Variants in KCNQ5 observed in about 807,000 individuals in gnomAD.
KCNQ5 encodes potassium voltage-gated channel subfamily Q member 5.
KCNQ5 carries 30 observed loss-of-function variants against 98.2 expected under a neutral mutation model. The observed-to-expected ratio is 0.31, with a 90% CI of 0.23 to 0.41. KCNQ5 has a LOEUF of 0.41. Ranked by LOEUF, KCNQ5 falls within the 10% of genes least tolerant of loss-of-function variation. The pLI, the probability that KCNQ5 is intolerant of heterozygous loss-of-function variation, is 1.00. For synonymous variants in KCNQ5, 458 were observed against 449.4 expected, an observed-to-expected ratio of 1.02 and a Z score of -0.24; for missense variants, 835 against 1,182.5, an observed-to-expected ratio of 0.71 and a Z score of 4.31.
intron 10 of KCNQ5, among the ~76,000 whole-genome samples, chr6:73,169,092 A>G (rs774046874): frequency 5.3e-4 from 80 of 152,340 alleles, no homozygotes; most frequent in Non-Finnish European, 8.8e-4. Flanking sequence ...ATTCATAATA[A>G]TTTGGCATTT....
At chr6:73,165,987 G>T (rs1034608847) in intron 10 of KCNQ5, among the ~76,000 whole-genome samples, 2 of 152,118 alleles carry the variant, frequency 1.3e-5, no homozygotes, top group Admixed American at 1.3e-4. Context: ...ATCTGGAAGT[G>T]GTCAGAGGTG....
chr6:72,903,114 G>A (rs1779572269), intron 1 of KCNQ5, among the ~76,000 whole-genome samples: 1 of 152,010 alleles, frequency 6.6e-6, no homozygotes, highest in South Asian at 2.1e-4. Context: ...TCTACTTTAT[G>A]CACGTAAAGG....
intron 1 of KCNQ5, among the ~76,000 whole-genome samples, chr6:72,712,915 C>T (rs1411162955): frequency 6.6e-6 from 1 of 152,148 alleles, no homozygotes; most frequent in Non-Finnish European, 1.5e-5. Context: ...TTATTAGTTA[C>T]TTAGTTTTGG....
At chr6:72,690,221 G>A (rs1028147576) in intron 1 of KCNQ5, among the ~76,000 whole-genome samples, 14 of 152,076 alleles carry the variant, frequency 9.2e-5, no homozygotes, top group African/African-American at 2.2e-4. Context: ...GCAGTGAGCC[G>A]TGATCCCGTC....
chr6:72,938,035 C>T (rs558788021), intron 1 of KCNQ5, among the ~76,000 whole-genome samples: 1 of 152,134 alleles, frequency 6.6e-6, no homozygotes, highest in African/African-American at 2.4e-5. Context: ...CCCTGACCAC[C>T]TTACAAGGTT....
rs577041644 is a variant in KCNQ5 at position 73,176,976 on chromosome 6, A to G, written c.1577+7122A>G. ...TCAACACAGAAGTCTAAGGCTCACA[A>G]ACAGGAGCTGCAAAAGTAAGAATGC... On this transcript the variant is annotated intron_variant, in intron 11 of 13. Transcript: ENST00000370398. Among the ~76,000 whole-genome samples the G allele has an allele frequency of 3.3e-5, 5 of 152,348 alleles. No individual in the cohort carries two copies. In the East Asian group the frequency reaches 9.6e-4, roughly 29 times the overall value.
chr6:73,089,120 A>T (rs1259396273), intron 5 of KCNQ5, among the ~76,000 whole-genome samples: 2 of 152,220 alleles, frequency 1.3e-5, no homozygotes, highest in African/African-American at 4.8e-5. Context: ...GTAAATATAT[A>T]TTGAGTGACT....
At chr6:72,947,850 G>A (rs1766618267) in intron 1 of KCNQ5, among the ~76,000 whole-genome samples, 1 of 152,108 alleles carries the variant, frequency 6.6e-6, no homozygotes, top group African/African-American at 2.4e-5. Flanking sequence ...TGAAGATAGA[G>A]AGTTTATAGT....
intron 1 of KCNQ5, among the ~76,000 whole-genome samples, chr6:72,672,569 G>C (rs909754924): frequency 6.6e-6 from 1 of 152,074 alleles, no homozygotes; most frequent in African/African-American, 2.4e-5. Context: ...CCTAGTTTCC[G>C]ATACAGTCTT....
intron 2 of KCNQ5, among the ~76,000 whole-genome samples, chr6:73,029,985 C>T (rs998575248): frequency 2.8e-5 from 4 of 143,524 alleles, no homozygotes; most frequent in Non-Finnish European, 6.1e-5. Flanking sequence ...TGACTGGAAA[C>T]AATTAGAGAT....
intron 2 of KCNQ5, among the ~76,000 whole-genome samples, chr6:73,015,945 T>G (rs900051605): frequency 6.6e-6 from 1 of 152,116 alleles, no homozygotes; most frequent in African/African-American, 2.4e-5. Context: ...TCTTCTCCAT[T>G]ATTCATTTAT....
intron 1 of KCNQ5, among the ~76,000 whole-genome samples, chr6:72,637,115 A>G (rs1428252025): frequency 5.3e-5 from 8 of 152,248 alleles, no homozygotes; most frequent in Non-Finnish European, 8.8e-5. Flanking sequence ...TTAATAAAAC[A>G]TTCTGAGTAT....
chr6:73,192,714 A>G, intron 13 of KCNQ5, 23 bp downstream of exon 13: 2 of 1,532,112 alleles, frequency 1.3e-6, no homozygotes, highest in Non-Finnish European at 1.8e-6. Flanking sequence ...TACGCTGGGT[A>G]TCTTTTTAGC....
rs568609408 is a variant in KCNQ5, at chr6:72,897,268, A to G, written c.399-106640A>G. Among the ~76,000 whole-genome samples, 53 of 152,226 alleles carry G rather than the reference A, an allele frequency of 3.5e-4. No homozygotes were observed. The South Asian group carries it at 8.9e-3, about 26-fold the overall frequency. On this transcript the variant is annotated intron_variant, in intron 1 of 13. Coordinates refer to ENST00000370398, the MANE Select transcript of KCNQ5 (RefSeq NM_019842.4). ...TAAAAAATGAGGGTCTAGCAGGGCA[A>G]GGTGGCTTACGTCTGTAATCCCAGC...
intron 2 of KCNQ5, among the ~76,000 whole-genome samples, chr6:73,023,350 C>T (rs1380683996): frequency 1.3e-5 from 2 of 152,072 alleles, no homozygotes; most frequent in East Asian, 3.9e-4. Context: ...AAATATATTA[C>T]ATTTGATTCA....
rs538418944 is a variant in KCNQ5 at position 73,195,625 on chromosome 6, A to C, written c.*211A>C. On this transcript the variant is annotated 3_prime_UTR_variant, in exon 14 of 14. Coordinates refer to ENST00000370398, the MANE Select transcript of KCNQ5 (RefSeq NM_019842.4). ...TGCATCGACATTAACCCACTCATTT[A>C]GTAATGTACCTTGAGTTAAAAAGCC... is the stretch of plus-strand genomic sequence containing the variant. 1 of 585,142 alleles carries C rather than the reference A, an allele frequency of 1.7e-6. No homozygotes were observed. The highest frequency in any genetic ancestry group is 3.1e-5 in the East Asian group (1 of 32,116). The allele number at this position is 585,142 out of a possible 1,614,324, so 36.2% of individuals were successfully genotyped here.
chr6:72,950,582 G>A (rs1298379220), intron 1 of KCNQ5, among the ~76,000 whole-genome samples: 1 of 152,192 alleles, frequency 6.6e-6, no homozygotes, highest in Non-Finnish European at 1.5e-5. Context: ...GCCTGCTGCT[G>A]TACCTTGTAT....
At chr6:72,761,283 G>C (rs564450490) in intron 1 of KCNQ5, among the ~76,000 whole-genome samples, 15 of 152,104 alleles carry the variant, frequency 9.9e-5, no homozygotes, top group African/African-American at 3.6e-4. Context: ...TACAAATACA[G>C]AGATAAGAAG....
chr6:73,055,478 C>T, intron 3 of KCNQ5: 1 of 1,551,158 alleles, frequency 6.4e-7, no homozygotes, highest in Non-Finnish European at 8.9e-7. Context: ...GCCCTACCAT[C>T]CTTTCTACAG....
Sources: gnomAD v4.1 joint callset for allele counts (sites outside exome capture counted in the v4.1 genomes callset) on GRCh38, gnomAD v4.1.1 for gene constraint, MANE v1.5 for transcripts, NCBI Gene and HGNC (gene_info 2026-07-23, HGNC 2026-07-21) for gene names.